B3GLCT: variants seen among roughly 807,000 people sequenced by gnomAD.
B3GLCT encodes the protein beta-1,3-glucosyltransferase.
A neutral mutation model predicts 63.4 loss-of-function variants in B3GLCT; 65 were observed. That is an observed-to-expected ratio of 1.03 (90% confidence interval 0.84 to 1.26). The LOEUF is 1.26. Ranked by LOEUF, B3GLCT falls within the 50% of genes most tolerant of loss-of-function variation. The pLI is 0.00. For missense variants in B3GLCT, 577 were observed against 604.8 expected, an observed-to-expected ratio of 0.95 and a Z score of 0.48; for synonymous variants, 233 against 219.2, an observed-to-expected ratio of 1.06 and a Z score of -0.55.
chr13:31,308,212 T>C (rs1874479754), intron 12 of B3GLCT, among the ~76,000 whole-genome samples: 1 of 50,752 alleles, frequency 2.0e-5, no homozygotes, highest in Admixed American at 2.2e-4. Flanking sequence ...GGGATAGCAT[T>C]GGGAGATATA....
intron 4 of B3GLCT, among the ~76,000 whole-genome samples, chr13:31,243,270 A>C (rs1464313104): frequency 6.6e-6 from 1 of 152,194 alleles, no homozygotes; most frequent in Non-Finnish European, 1.5e-5. Context: ...CCATAAACCC[A>C]TGTACTTCTA....
chr13:31,248,853 T>C (rs1014999022), intron 6 of B3GLCT, among the ~76,000 whole-genome samples: 3 of 152,192 alleles, frequency 2.0e-5, no homozygotes, highest in Non-Finnish European at 4.4e-5. Flanking sequence ...CCTGTAATAA[T>C]CAGTTTTGCT....
chr13:31,279,146 C>T lies in B3GLCT; in HGVS notation c.850+2375C>T, dbSNP rs17075793. On this transcript the variant is annotated intron_variant, in intron 10 of 14. Coordinates refer to ENST00000343307, the MANE Select transcript of B3GLCT (RefSeq NM_194318.4). ...CCAGAAGCTGTGAAAGTAGGCTTTC[C>T]ATTTTTAGTAGCAATGGGGATGGCA... 7.5e-3 allele frequency among the ~76,000 whole-genome samples: 1,146 copies of T among 152,224 alleles called. 21 individuals carry two copies. The highest frequency in any genetic ancestry group is 0.055 in the Admixed American group (847 of 15,292).
At chr13:31,328,349 T>C (rs1041668169) in intron 14 of B3GLCT, among the ~76,000 whole-genome samples, 1 of 152,154 alleles carries the variant, frequency 6.6e-6, no homozygotes, top group Non-Finnish European at 1.5e-5. Flanking sequence ...ATTGATGACC[T>C]AATGAGTTAC....
chr13:31,296,840 A>G (rs1356352124), intron 12 of B3GLCT, among the ~76,000 whole-genome samples: 1 of 152,102 alleles, frequency 6.6e-6, no homozygotes, highest in Non-Finnish European at 1.5e-5. Context: ...TATTAAATAC[A>G]TGCATAATGT....
intron 12 of B3GLCT, among the ~76,000 whole-genome samples, chr13:31,297,835 C>A (rs1471410362): frequency 6.6e-6 from 1 of 152,136 alleles, no homozygotes; most frequent in African/African-American, 2.4e-5. Flanking sequence ...AATACTTTCT[C>A]ACATTTACCA....
At position 31,316,406 on chromosome 13, in the gene B3GLCT, T is replaced by TC. The variant is rs1260909516; in HGVS notation, c.1065-1160_1065-1159insC. On this transcript the variant is annotated intron_variant, in intron 12 of 14. Coordinates refer to ENST00000343307, the MANE Select transcript of B3GLCT (RefSeq NM_194318.4). ...ATGGAATCAAGGAGATTTTGGAGGT[T>TC]TTATATATATATATATATATATATA... Among the ~76,000 whole-genome samples the TC allele has an allele frequency of 5.8e-4, 44 of 75,860 alleles. 1 individual carries two copies. The highest frequency in any genetic ancestry group is 1.0e-3 in the Admixed American group (6 of 6,022). The allele number at this position is 75,860 out of a possible 152,430, so 49.8% of individuals were successfully genotyped here.
At chr13:31,205,929 A>G (rs937693845) in intron 1 of B3GLCT, among the ~76,000 whole-genome samples, 2 of 152,226 alleles carry the variant, frequency 1.3e-5, no homozygotes, top group African/African-American at 4.8e-5. Flanking sequence ...TAGCAGTGCC[A>G]TTTCCTCCTA....
At chr13:31,229,316 G>C (rs769985615) in intron 4 of B3GLCT, 22 bp downstream of exon 4, 1 of 1,365,664 alleles carries the variant, frequency 7.3e-7, no homozygotes, top group Non-Finnish European at 1.0e-6. Context: ...TGGCTGGGGG[G>C]TCTGCCAGTT....
At chr13:31,290,238 G>C (rs1449770434) in intron 12 of B3GLCT, among the ~76,000 whole-genome samples, 8 of 152,148 alleles carry the variant, frequency 5.3e-5, no homozygotes, top group Admixed American at 5.2e-4. Flanking sequence ...GTGTTTATGT[G>C]CCACATTTTC....
intron 10 of B3GLCT, among the ~76,000 whole-genome samples, chr13:31,277,233 G>A (rs773800716): frequency 6.6e-6 from 1 of 152,010 alleles, no homozygotes; most frequent in Non-Finnish European, 1.5e-5. Flanking sequence ...GTTAAGAGAT[G>A]TATTTGCTCA....
chr13:31,247,741 A>G, intron 5 of B3GLCT, 114 bp from the exon 6 acceptor site: 1 of 591,828 alleles, frequency 1.7e-6, no homozygotes, highest in Non-Finnish European at 3.0e-6. Context: ...ATAGAGAAAA[A>G]AATTAGATAT....
chr13:31,222,725 A>C (rs758596872), intron 2 of B3GLCT, among the ~76,000 whole-genome samples: 1 of 152,258 alleles, frequency 6.6e-6, no homozygotes, highest in Non-Finnish European at 1.5e-5. Context: ...TCACATGAGA[A>C]GGGCACAGCC....
intron 12 of B3GLCT, among the ~76,000 whole-genome samples, chr13:31,292,244 A>G (rs779149627): frequency 2.0e-5 from 3 of 152,214 alleles, no homozygotes; most frequent in Non-Finnish European, 4.4e-5. Flanking sequence ...TTTCACATCA[A>G]CGTTCATCAG....
chr13:31,226,721 C>T (rs1189954884), intron 3 of B3GLCT, among the ~76,000 whole-genome samples: 1 of 151,972 alleles, frequency 6.6e-6, no homozygotes, highest in Non-Finnish European at 1.5e-5. Flanking sequence ...AGGTGCATGC[C>T]ACCATGCCCA....
intron 10 of B3GLCT, among the ~76,000 whole-genome samples, chr13:31,281,406 A>G (rs1470625416): frequency 6.6e-6 from 1 of 152,336 alleles, no homozygotes; most frequent in South Asian, 2.1e-4. Flanking sequence ...AGAGGCTTAC[A>G]TGTACTGTGG....
chr13:31,214,498 G>A (rs1275528808), intron 1 of B3GLCT, among the ~76,000 whole-genome samples: 1 of 152,136 alleles, frequency 6.6e-6, no homozygotes, highest in Non-Finnish European at 1.5e-5. Flanking sequence ...CACTCTCCCG[G>A]CCCCATTGCC....
chr13:31,269,609 C>T lies in B3GLCT; in HGVS notation c.660+332C>T, dbSNP rs566403777. 1.9e-4 allele frequency among the ~76,000 whole-genome samples: 29 copies of T among 151,804 alleles called. No individual in the cohort carries two copies. In the South Asian group the frequency reaches 2.5e-3, roughly 13 times the overall value. On this transcript the variant is annotated intron_variant, in intron 8 of 14. Transcript: ENST00000343307. ...GCTCTTACTTGATGCTTCGGTTGTACGTATGCCAGTGTAGATTGAATGATC... is the reference window on the plus strand; with the variant it reads ...GCTCTTACTTGATGCTTCGGTTGTATGTATGCCAGTGTAGATTGAATGATC...
Position 31,317,625 on chromosome 13 carries a change from G to C in B3GLCT, c.1124G>C (p.Gly375Ala), listed in dbSNP as rs1182506781. 1 of 1,614,082 alleles carries C rather than the reference G, an allele frequency of 6.2e-7. No individual in the cohort carries two copies. The highest frequency in any genetic ancestry group is 8.5e-7 in the Non-Finnish European group (1 of 1,179,992). Reference sequence around the variant, plus strand: ...GACTCCGGCGAGCCTGTGTTTCTGGGAGAGCGCTACGGCTACGGCCTGGGC... The same window carrying C: ...GACTCCGGCGAGCCTGTGTTTCTGGCAGAGCGCTACGGCTACGGCCTGGGC... ...CYDSGEPVFLGERYGYGLGTG... is the reference protein window; with the variant it reads ...CYDSGEPVFLAERYGYGLGTG... Residue 375 changes from glycine (G) to alanine (A), a missense_variant, in exon 13 of 15, where the codon GGA becomes GCA. By Grantham distance (60) the Gly-to-Ala change is moderately conservative (BLOSUM62 0). Transcript: ENST00000343307.
Sources: allele counts gnomAD v4.1 joint callset (sites outside exome capture counted in the v4.1 genomes callset), GRCh38; gene constraint gnomAD v4.1.1; transcripts MANE v1.5; gene names NCBI Gene and HGNC (gene_info 2026-07-23, HGNC 2026-07-21).